The following TRIM5 variants were observed in gnomAD, a reference collection of about 807,000 sequenced individuals.
The protein encoded by TRIM5 is tripartite motif-containing protein 5.
TRIM5 carries 31 observed loss-of-function variants against 35.6 expected under a neutral mutation model. That is an observed-to-expected ratio of 0.87 (90% CI 0.65 to 1.18). The LOEUF is 1.18. Among genes scored for constraint, TRIM5 ranks in the 50% most tolerant of loss-of-function variants. The pLI, the probability that TRIM5 is intolerant of heterozygous loss-of-function variation, is 0.00. For missense variants in TRIM5, 609 were observed against 591.6 expected (o/e 1.03, Z -0.31); for synonymous variants, 243 against 215.6 (o/e 1.13, Z -1.11).
At chr11:5,633,792 C>G in the TRIM5 span, 2 of 1,611,900 alleles carry the variant, frequency 1.2e-6, no homozygotes, top group Non-Finnish European at 1.7e-6. Flanking sequence ...TAGTGTGATT[C>G]CCTTCTCATA....
At chr11:5,595,631 G>A in the TRIM5 span, among the ~76,000 whole-genome samples, 1 of 152,184 alleles carries the variant, frequency 6.6e-6, no homozygotes, top group East Asian at 1.9e-4. Context: ...ATTTACAAGG[G>A]TCATCTCTGG....
the TRIM5 span, chr11:5,604,754 C>A: frequency 4.0e-6 from 4 of 1,001,902 alleles, no homozygotes; most frequent in Non-Finnish European, 5.7e-6. Flanking sequence ...TTCCCTTTGC[C>A]TGGTCCTCCA....
chr11:5,622,597 G>A, the TRIM5 span, among the ~76,000 whole-genome samples: 1 of 151,664 alleles, frequency 6.6e-6, no homozygotes, highest in African/African-American at 2.4e-5. Flanking sequence ...CAGTCTGGGC[G>A]ACAAGAACGA....
At chr11:5,668,612 G>A (rs534191259) in intron 4 of TRIM5, among the ~76,000 whole-genome samples, 2 of 151,836 alleles carry the variant, frequency 1.3e-5, no homozygotes, top group African/African-American at 2.4e-5. Flanking sequence ...ATAATGCCCG[G>A]CTATTTTTTG....
chr11:5,644,912 C>G, the TRIM5 span, among the ~76,000 whole-genome samples: 1 of 152,140 alleles, frequency 6.6e-6, no homozygotes, highest in African/African-American at 2.4e-5. Flanking sequence ...TGAATACATT[C>G]TTGCTGTGAG....
Position 5,664,818 on chromosome 11 carries a change from T to C in TRIM5, c.1473A>G (p.Pro491=). The C allele has an allele frequency of 6.3e-7, 1 of 1,589,962 alleles. No individual in the cohort carries two copies. The highest frequency in any genetic ancestry group is 8.5e-7 in the Non-Finnish European group (1 of 1,170,348). ...GAGTGTGTAAGAAGGTTCAAGAGCT[T>C]GGTGAGCACAGAGTCATGGGGACTC... The part of the protein sequence containing the change: ...KCGVPMTLCS[P]SS Residue 491 remains proline, a synonymous_variant, in exon 8 of 8, where the codon CCA becomes CCG. Coordinates refer to ENST00000380034, the MANE Select transcript of TRIM5 (RefSeq NM_033034.3).
the TRIM5 span, among the ~76,000 whole-genome samples, chr11:5,635,028 G>A: frequency 6.6e-6 from 1 of 152,108 alleles, no homozygotes; most frequent in African/African-American, 2.4e-5. Flanking sequence ...AATTTATGAA[G>A]TAAGGGAATA....
At chr11:5,630,360 C>T in the TRIM5 span, among the ~76,000 whole-genome samples, 1 of 152,192 alleles carries the variant, frequency 6.6e-6, no homozygotes, top group African/African-American at 2.4e-5. Context: ...TTCCCACCCT[C>T]ATCTGCTTCT....
chr11:5,661,283 T>A (rs1472554278), downstream of TRIM5, among the ~76,000 whole-genome samples: 1 of 152,022 alleles, frequency 6.6e-6, no homozygotes, highest in Non-Finnish European at 1.5e-5. Flanking sequence ...GCCCGATGCT[T>A]ATTCCATCCC....
the TRIM5 span, among the ~76,000 whole-genome samples, chr11:5,591,992 A>G: frequency 6.6e-6 from 1 of 152,152 alleles, no homozygotes; most frequent in Non-Finnish European, 1.5e-5. Flanking sequence ...TTTTTGTTCT[A>G]CCTGTGAGTT....
chr11:5,671,309 A>AG (rs1481043721), intron 4 of TRIM5, among the ~76,000 whole-genome samples: 1 of 131,894 alleles, frequency 7.6e-6, no homozygotes, highest in Non-Finnish European at 1.5e-5. Context: ...GGGATTAAAA[A>AG]AAAAACACAA....
the TRIM5 span, among the ~76,000 whole-genome samples, chr11:5,607,860 G>C: frequency 1.3e-5 from 2 of 152,180 alleles, 1 homozygote; most frequent in South Asian, 4.1e-4. Flanking sequence ...AGGAAAGGGG[G>C]CTGAGCAGAA....
At chr11:5,588,757 G>A in the TRIM5 span, among the ~76,000 whole-genome samples, 1 of 147,834 alleles carries the variant, frequency 6.8e-6, no homozygotes, top group African/African-American at 2.5e-5. Context: ...TTTAGCTTTT[G>A]GTAACTCCTT....
the TRIM5 span, among the ~76,000 whole-genome samples, chr11:5,640,165 A>C: frequency 6.6e-6 from 1 of 152,212 alleles, no homozygotes; most frequent in Non-Finnish European, 1.5e-5. Context: ...TGTTAAATAG[A>C]AGTAGTGAGA....
At chr11:5,598,651 T>C in the TRIM5 span, among the ~76,000 whole-genome samples, 1 of 152,236 alleles carries the variant, frequency 6.6e-6, no homozygotes, top group African/African-American at 2.4e-5. Flanking sequence ...CCAATGTGTA[T>C]TTTGTACCTA....
chr11:5,603,204 C>T, the TRIM5 span: 70 of 1,582,114 alleles, frequency 4.4e-5, no homozygotes, highest in East Asian at 1.5e-3. Context: ...ATTCTCCCTC[C>T]TTTCTTACCC....
At chr11:5,634,743 A>C in the TRIM5 span, 5 of 1,614,024 alleles carry the variant, frequency 3.1e-6, no homozygotes, top group African/African-American at 2.7e-5. Context: ...GAAGAAAAGA[A>C]GACGCTGGAT....
chr11:5,684,408 A>G (rs1852851372), intron 1 of TRIM5, among the ~76,000 whole-genome samples: 1 of 110,214 alleles, frequency 9.1e-6, no homozygotes, highest in Non-Finnish European at 2.0e-5. Flanking sequence ...AACTAGGGAA[A>G]GAACTCCATT....
At chr11:5,631,110 T>G in the TRIM5 span, among the ~76,000 whole-genome samples, 1 of 152,224 alleles carries the variant, frequency 6.6e-6, no homozygotes, top group Non-Finnish European at 1.5e-5. Context: ...ATCTGTGATC[T>G]ATGTGTAATT....
Sources: gnomAD v4.1 joint callset for allele counts (sites outside exome capture counted in the v4.1 genomes callset) on GRCh38, gnomAD v4.1.1 for gene constraint, MANE v1.5 for transcripts, NCBI Gene and HGNC (gene_info 2026-07-23, HGNC 2026-07-21) for gene names.